Variants in PACS2 observed in about 807,000 individuals in gnomAD.
PACS2 encodes PACS1-like protein.
In PACS2, 36 loss-of-function variants were observed where a neutral mutation model predicts 113.0. That is an observed-to-expected ratio of 0.32 (90% CI 0.24 to 0.42). The LOEUF is 0.42. Among genes scored for constraint, PACS2 ranks in the 10% least tolerant of loss-of-function variants. The pLI is 1.00. For missense variants in PACS2, 1,015 were observed against 1,239.5 expected (o/e 0.82, Z 2.72); for synonymous variants, 589 against 536.1 (o/e 1.10, Z -1.36).
intron 13 of PACS2, 123 bp from the exon 14 acceptor site, chr14:105,382,354 C>T: frequency 2.7e-6 from 2 of 736,610 alleles, no homozygotes; most frequent in South Asian, 3.1e-5. Context: ...GGCCAGCTCT[C>T]TTCCTGCCAC....
chr14:105,354,294 G>T lies in PACS2; in HGVS notation c.298-758G>T, dbSNP rs2060346281. The stretch of plus-strand genomic sequence containing the variant: ...ATTTTTGTATTTTTGTAGAGATGGG[G>T]TTTTGCCATGTTGGCTAGGGTGGTC... On this transcript the variant is annotated intron_variant, in intron 3 of 24. Transcript: ENST00000447393. The surrounding 1 kb of genome is among the most constrained non-coding windows in gnomAD (Gnocchi z 4.2). 6.6e-6 allele frequency among the ~76,000 whole-genome samples: 1 copy of T among 152,110 alleles called. No individual in the cohort carries two copies. The highest frequency in any genetic ancestry group is 2.4e-5 in the African/African-American group (1 of 41,424).
chr14:105,309,817 A>G (rs1329996386), upstream of PACS2, among the ~76,000 whole-genome samples: 1 of 113,976 alleles, frequency 8.8e-6, no homozygotes, highest in Non-Finnish European at 1.7e-5. This position sits in a 1 kb window ranked among gnomAD's most constrained non-coding sequence, Gnocchi z 4.0. Flanking sequence ...ACGGAGTCTC[A>G]CTCTCTTGCC....
At chr14:105,347,904 C>G (rs2060003076) in intron 1 of PACS2, among the ~76,000 whole-genome samples, 1 of 152,196 alleles carries the variant, frequency 6.6e-6, no homozygotes, top group Admixed American at 6.5e-5. Flanking sequence ...CACCCCTCCA[C>G]TCCTCAGCAA....
At chr14:105,320,483 T>C (rs28378394) in intron 1 of PACS2, among the ~76,000 whole-genome samples, 17,495 of 152,174 alleles carry the variant, frequency 0.11, 3,406 homozygotes, top group African/African-American at 0.4. Context: ...TAGCTGAGAC[T>C]ACAGGTGCAT....
rs916360369 is a variant in PACS2, at chr14:105,376,509, C to G, written c.802-259C>G. Among the ~76,000 whole-genome samples the G allele has an allele frequency of 6.6e-6, 1 of 152,186 alleles. No homozygotes were observed. The highest frequency in any genetic ancestry group is 1.5e-5 in the Non-Finnish European group (1 of 68,024). ...CCTGCCTGCACCCAGGCCCTCCGTGCACCCTGGCAGCCCAGATGACTGCAC... is the reference window on the plus strand; with the variant it reads ...CCTGCCTGCACCCAGGCCCTCCGTGGACCCTGGCAGCCCAGATGACTGCAC... On this transcript the variant is annotated intron_variant, in intron 8 of 24. Transcript: ENST00000447393. The surrounding 1 kb of genome is among the most constrained non-coding windows in gnomAD (Gnocchi z 4.7).
intron 2 of PACS2, among the ~76,000 whole-genome samples, chr14:105,352,102 G>C (rs782606100): frequency 6.6e-6 from 1 of 152,214 alleles, no homozygotes; most frequent in Non-Finnish European, 1.5e-5. Context: ...TTTTGTGATC[G>C]CGTTAACTTC....
chr14:105,310,736 C>T (rs1201467522), upstream of PACS2, among the ~76,000 whole-genome samples: 2 of 152,102 alleles, frequency 1.3e-5, no homozygotes, highest in African/African-American at 4.8e-5. Context: ...ATTTTCCCTA[C>T]ACAATTAATA....
intron 19 of PACS2, among the ~76,000 whole-genome samples, chr14:105,388,151 G>A (rs963218540): frequency 6.6e-6 from 1 of 152,176 alleles, no homozygotes; most frequent in Non-Finnish European, 1.5e-5. Context: ...ATCTTTAATG[G>A]GATGGGAGGA....
intron 1 of PACS2, among the ~76,000 whole-genome samples, chr14:105,342,812 G>C (rs1427292688): frequency 1.3e-5 from 2 of 151,592 alleles, no homozygotes; most frequent in Non-Finnish European, 2.9e-5. Flanking sequence ...GTGCACGCCT[G>C]TAGTCCCAGC....
chr14:105,377,494 G>A (rs1555410761), intron 9 of PACS2, among the ~76,000 whole-genome samples: 1 of 152,296 alleles, frequency 6.6e-6, no homozygotes, highest in South Asian at 2.1e-4. Flanking sequence ...GGGGCAGGAA[G>A]GCAAGCACAC....
intron 8 of PACS2, chr14:105,372,146 G>A (rs1170582009): frequency 6.6e-6 from 1 of 152,308 alleles, no homozygotes; most frequent in African/African-American, 2.4e-5. Flanking sequence ...GTGCCACACA[G>A]TGGGTCTGGT....
chr14:105,352,941 C>A (rs1340433910), intron 3 of PACS2, among the ~76,000 whole-genome samples: 4 of 125,140 alleles, frequency 3.2e-5, no homozygotes, highest in Admixed American at 2.3e-4. Context: ...GGGCCCCCCT[C>A]ATCAGTGTCC....
At chr14:105,361,377 C>T (rs2060671743) in intron 4 of PACS2, among the ~76,000 whole-genome samples, 1 of 152,256 alleles carries the variant, frequency 6.6e-6, no homozygotes, top group Non-Finnish European at 1.5e-5. Flanking sequence ...TGGCTCACAC[C>T]TGTAATCCCA....
At chr14:105,352,580 G>A (rs1413119627) in intron 3 of PACS2, 113 bp downstream of exon 3, 6 of 619,126 alleles carry the variant, frequency 9.7e-6, no homozygotes, top group Non-Finnish European at 1.8e-5. Flanking sequence ...GTCCCCTGGG[G>A]TGATGGGCCC....
Position 105,323,401 on chromosome 14 carries a change from C to T in PACS2, c.119+8364C>T, listed in dbSNP as rs587607450. 2.6e-5 allele frequency among the ~76,000 whole-genome samples: 4 copies of T among 152,318 alleles called. No homozygotes were observed. Among genetic ancestry groups the T allele is most frequent in the African/African-American group, 7.2e-5 (3 of 41,574 alleles). On this transcript the variant is annotated intron_variant, in intron 1 of 24. Transcript: ENST00000447393. The surrounding 1 kb of genome is among the most constrained non-coding windows in gnomAD (Gnocchi z 4.1). ...CCCTGCCTCTGTCCACGTGCAGGGG[C>T]GTCTCCTCAGGACGCATGTTGCCTA...
Position 105,381,935 on chromosome 14 carries a change from C to T in PACS2, c.1290C>T (p.Gly430=). The change falls in exon 13 of 25, where the codon GGC becomes GGT. Residue 430 remains glycine (G), a synonymous_variant. Coordinates refer to ENST00000447393, the MANE Select transcript of PACS2 (RefSeq NM_001100913.3). Reference sequence around the variant, plus strand: ...ATAGGTCCGAGGGGAAGCAGGCTGGCCGACGGGGCCGGAGCACATCCTTGA... The same window carrying T: ...ATAGGTCCGAGGGGAAGCAGGCTGGTCGACGGGGCCGGAGCACATCCTTGA... ...PSTRSEGKQA[G]RRGRSTSLKE... 6.4e-7 allele frequency: 1 copy of T among 1,550,528 alleles called. No homozygotes were observed. Among genetic ancestry groups the T allele is most frequent in the Non-Finnish European group, 8.7e-7 (1 of 1,146,962 alleles).
intron 10 of PACS2, 103 bp downstream of exon 10, chr14:105,379,932 C>G (rs1325426697): frequency 6.6e-6 from 9 of 1,367,450 alleles, no homozygotes; most frequent in Non-Finnish European, 9.3e-6. Context: ...CCCTGTCCAG[C>G]TGTCCTGGAG....
intron 2 of PACS2, among the ~76,000 whole-genome samples, chr14:105,351,486 G>C (rs587598519): frequency 6.6e-6 from 1 of 152,078 alleles, no homozygotes; most frequent in South Asian, 2.1e-4. Flanking sequence ...TTTAAGTATT[G>C]TATCTCTGTA....
intron 23 of PACS2, 32 bp from the exon 24 acceptor site, chr14:105,393,190 A>G: frequency 3.2e-6 from 5 of 1,544,708 alleles, no homozygotes; most frequent in Non-Finnish European, 3.6e-6. Context: ...AGGAGCAGCA[A>G]GATGACAGCA....
Sources: gnomAD v4.1 joint callset for allele counts (sites outside exome capture counted in the v4.1 genomes callset) on GRCh38, gnomAD v4.1.1 for gene constraint, Gnocchi (gnomAD v3.1) non-coding constraint, MANE v1.5 for transcripts, NCBI Gene and HGNC (gene_info 2026-07-23, HGNC 2026-07-21) for gene names.